Variants in CD8B observed in about 807,000 individuals in gnomAD.
CD8B encodes the protein T-cell surface glycoprotein CD8 beta chain.
A neutral mutation model predicts 24.2 loss-of-function variants in CD8B; 6 were observed. The observed-to-expected ratio is 0.25, with a 90% CI of 0.14 to 0.49. The LOEUF (loss-of-function observed/expected upper bound fraction) is 0.49. Ranked by LOEUF, CD8B falls within the 20% of genes least tolerant of loss-of-function variation. The pLI is 0.98. For synonymous variants in CD8B, 84 were observed against 108.3 expected (o/e 0.78, Z 1.39); for missense variants, 196 against 271.3 (o/e 0.72, Z 1.95).
At chr2:86,853,509 T>C (rs933051052) in intron 2 of CD8B, among the ~76,000 whole-genome samples, 48 of 152,050 alleles carry the variant, frequency 3.2e-4, no homozygotes, top group African/African-American at 1.2e-3. Context: ...CTTATGACTG[T>C]TCCCCAGGCT....
Position 86,861,835 on chromosome 2 carries a change from C to A in CD8B, c.31G>T (p.Ala11Ser). Reference protein sequence around the residue: MRPRLWLLLAAQLTVLHGNSV... With the variant: MRPRLWLLLASQLTVLHGNSV... Reference sequence around the variant, plus strand: ...GCCGCCGCCTTACCTGTCAGCTGCGCGGCCAAGAGGAGCCACAGCCGCGGC... The same window carrying A: ...GCCGCCGCCTTACCTGTCAGCTGCGAGGCCAAGAGGAGCCACAGCCGCGGC... Residue 11 changes from alanine (A) to serine (S), a missense_variant, in exon 1 of 6, where the codon GCG (alanine) becomes TCG (serine). Physicochemically the swap from Ala to Ser is moderately conservative, Grantham distance 99. Coordinates refer to ENST00000390655, the MANE Select transcript of CD8B (RefSeq NM_004931.5). The A allele has an allele frequency of 1.6e-6, 2 of 1,283,296 alleles. 1 individual carries two copies. The highest frequency in any genetic ancestry group is 5.3e-5 in the South Asian group (2 of 37,386). 79.5% of individuals were successfully genotyped at this position (1,283,296 alleles called of 1,614,324 possible). A position where few individuals can be genotyped will look rare whatever the true frequency, so the allele number is the denominator to read the frequency against.
downstream of CD8B, chr2:86,815,549 G>A (rs559459095): frequency 8.6e-4 from 896 of 1,042,182 alleles, 1 homozygote; most frequent in Non-Finnish European, 1.2e-3. Context: ...CCCTCTGAGC[G>A]AGGGAGGAAT....
At chr2:86,843,658 T>C (rs575141902) in intron 5 of CD8B, 27 of 985,190 alleles carry the variant, frequency 2.7e-5, no homozygotes, top group Non-Finnish European at 3.0e-5. Flanking sequence ...ATACATTTTG[T>C]TTGTCCATTG....
intron 1 of CD8B, among the ~76,000 whole-genome samples, chr2:86,861,327 G>A (rs1348903286): frequency 6.6e-6 from 1 of 152,094 alleles, no homozygotes; most frequent in Non-Finnish European, 1.5e-5. Context: ...GAGAACGGGA[G>A]CCAGAGGGAT....
chr2:86,815,976 C>T (rs2104482766), intron 5 of CD8B, among the ~76,000 whole-genome samples: 1 of 152,318 alleles, frequency 6.6e-6, no homozygotes, highest in Admixed American at 6.5e-5. Flanking sequence ...GAGGAAACCA[C>T]ACACAGAGAA....
intron 5 of CD8B, among the ~76,000 whole-genome samples, chr2:86,826,891 G>A (rs976849086): frequency 6.6e-5 from 10 of 150,448 alleles, no homozygotes; most frequent in African/African-American, 1.5e-4. Flanking sequence ...GCATGATCTC[G>A]GCTCACTGCA....
downstream of CD8B, among the ~76,000 whole-genome samples, chr2:86,833,783 C>T (rs1428579606): frequency 1.3e-5 from 2 of 151,432 alleles, no homozygotes; most frequent in African/African-American, 2.4e-5. Context: ...TCCTAGTAGC[C>T]GGGACTATAG....
At chr2:86,826,466 G>A (rs998567145) in intron 5 of CD8B, among the ~76,000 whole-genome samples, 1 of 152,162 alleles carries the variant, frequency 6.6e-6, no homozygotes, top group African/African-American at 2.4e-5. Context: ...AAGCAGTGGA[G>A]GTTTGGGGCC....
At chr2:86,822,369 C>G (rs1197704764) in intron 5 of CD8B, 5 of 1,581,516 alleles carry the variant, frequency 3.2e-6, no homozygotes, top group Non-Finnish European at 4.3e-6. Context: ...TGGATGTAAT[C>G]TTAGTCTTGG....
At chr2:86,843,780 G>GT (rs1377513838) in intron 5 of CD8B, 2 of 534,600 alleles carry the variant, frequency 3.7e-6, no homozygotes, top group African/African-American at 4.1e-5. Flanking sequence ...CACACTGACT[G>GT]TGAGATTGGC....
chr2:86,817,729 T>C (rs944374630), intron 5 of CD8B, among the ~76,000 whole-genome samples: 1 of 152,174 alleles, frequency 6.6e-6, no homozygotes, highest in African/African-American at 2.4e-5. Context: ...AACACAAACA[T>C]TTTATTGCTT....
intron 1 of CD8B, 54 bp downstream of exon 1, chr2:86,861,769 C>A (rs1398049859): frequency 2.4e-6 from 3 of 1,226,568 alleles, no homozygotes; most frequent in Non-Finnish European, 3.1e-6. Flanking sequence ...ATCACCTCCC[C>A]GCTCAGGCCC....
intron 5 of CD8B, among the ~76,000 whole-genome samples, chr2:86,828,925 TC>T (rs1293184468): frequency 2.9e-5 from 4 of 136,604 alleles, no homozygotes; most frequent in African/African-American, 1.0e-4. Flanking sequence ...ACATACACAC[TC>T]TTTTTTTTTT....
Position 86,843,707 on chromosome 2 carries a change from C to T in CD8B, c.620+1215G>A, listed in dbSNP as rs1032365805. The stretch of plus-strand genomic sequence containing the variant: ...GTGGAATTTACTGAAGTGACTTGAG[C>T]TTGTGCTCTGACTCCGGGGTCCTGG... On this transcript the variant is annotated intron_variant, in intron 5 of 5. Transcript: ENST00000390655. 4.1e-6 allele frequency: 4 copies of T among 985,026 alleles called. No homozygotes were observed. In the African/African-American group the frequency reaches 7.0e-5, roughly 17 times the overall value. 61.0% of individuals were successfully genotyped at this position (985,026 alleles called of 1,614,324 possible).
At chr2:86,861,777 C>T in intron 1 of CD8B, 46 bp downstream of exon 1, 4 of 1,243,104 alleles carry the variant, frequency 3.2e-6, no homozygotes, top group Non-Finnish European at 4.0e-6. Flanking sequence ...CCCGCTCAGG[C>T]CCCGGGAGCG....
chr2:86,820,812 C>G (rs1674435339), intron 5 of CD8B, among the ~76,000 whole-genome samples: 1 of 152,152 alleles, frequency 6.6e-6, no homozygotes, highest in South Asian at 2.1e-4. Flanking sequence ...AATGTAATAA[C>G]AGTGATCATT....
chr2:86,817,607 A>G (rs1674306838), intron 5 of CD8B, among the ~76,000 whole-genome samples: 1 of 152,204 alleles, frequency 6.6e-6, no homozygotes, highest in African/African-American at 2.4e-5. Context: ...GTTTATAGAT[A>G]CTTACATAAT....
intron 5 of CD8B, among the ~76,000 whole-genome samples, chr2:86,824,834 T>C (rs1191554481): frequency 6.6e-6 from 1 of 152,192 alleles, no homozygotes; most frequent in African/African-American, 2.4e-5. Flanking sequence ...CTGAATCGCT[T>C]CCAGAATCTT....
chr2:86,827,935 G>C (rs1674756531), intron 5 of CD8B, among the ~76,000 whole-genome samples: 1 of 152,120 alleles, frequency 6.6e-6, no homozygotes, highest in Non-Finnish European at 1.5e-5. Context: ...GAACTGCCTT[G>C]GCTCTTGTTC....
Sources: gnomAD v4.1 joint callset for allele counts (sites outside exome capture counted in the v4.1 genomes callset) on GRCh38, gnomAD v4.1.1 for gene constraint, MANE v1.5 for transcripts, NCBI Gene and HGNC (gene_info 2026-07-23, HGNC 2026-07-21) for gene names.